The following MRC1 variants were observed in gnomAD, a reference collection of about 807,000 sequenced individuals.
The protein encoded by MRC1 is mannose receptor C-type 1, also known as macrophage mannose receptor 1.
MRC1 carries 62 observed loss-of-function variants against 102.9 expected under a neutral mutation model. The observed-to-expected ratio is 0.60, with a 90% CI of 0.49 to 0.74. MRC1 has a LOEUF of 0.74. MRC1 is among the 30% of genes least tolerant of loss of function. MRC1 has a pLI of 0.00. For synonymous variants in MRC1, 457 were observed against 298.4 expected (o/e 1.53, Z -5.48); for missense variants, 1,237 against 862.8 (o/e 1.43, Z -5.43).
intron 14 of MRC1, among the ~76,000 whole-genome samples, chr10:17,871,199 A>C (rs1286142438): frequency 6.6e-6 from 1 of 152,150 alleles, no homozygotes; most frequent in Non-Finnish European, 1.5e-5. Flanking sequence ...GGAATGAAGA[A>C]GTGAGAGATT....
At chr10:17,880,418 G>A (rs1262065318) in intron 19 of MRC1, 107 bp from the exon 20 acceptor site, 4 of 741,156 alleles carry the variant, frequency 5.4e-6, no homozygotes, top group Admixed American at 3.6e-5. Flanking sequence ...TTTGATTATA[G>A]TCTAAATAAG....
intron 4 of MRC1, among the ~76,000 whole-genome samples, chr10:17,835,671 A>G (rs1238330886): frequency 6.6e-6 from 1 of 152,234 alleles, no homozygotes; most frequent in African/African-American, 2.4e-5. Context: ...TGACATGTTA[A>G]CATGCAACAA....
rs2130561757 is a variant in MRC1, at chr10:17,809,409, T to C, written c.-57T>C. On this transcript the variant is annotated 5_prime_UTR_variant, in exon 1 of 30. Transcript: ENST00000569591. ...AGGCAGTTGGGGGGCCTCGTTGTTT[T>C]GCGTCTTAGTTCCGCCCTCCTGTCC... is the stretch of plus-strand genomic sequence containing the variant. 1.1e-6 allele frequency: 1 copy of C among 870,018 alleles called. No individual in the cohort carries two copies. The highest frequency in any genetic ancestry group is 2.4e-5 in the East Asian group (1 of 41,682). 53.9% of individuals were successfully genotyped at this position (870,018 alleles called of 1,614,324 possible).
At chr10:17,836,824 GAAACTCGTCTCAAAAATAAATAAAT>G (rs1215479910) in intron 4 of MRC1, among the ~76,000 whole-genome samples, 1 of 151,624 alleles carries the variant, frequency 6.6e-6, no homozygotes, top group East Asian at 1.9e-4. Flanking sequence ...CAACAAGAGT[GAAACTCGTCTCAAAAATAAATAAAT>G]AAATAAAAAT....
chr10:17,871,042 G>A (rs957278883), intron 14 of MRC1, 107 bp downstream of exon 14: 57 of 763,494 alleles, frequency 7.5e-5, no homozygotes, highest in Admixed American at 1.4e-4. Flanking sequence ...CATTATGATA[G>A]CCACTATCCT....
At chr10:17,852,893 C>T (rs1364584463) in intron 7 of MRC1, 74 bp from the exon 8 acceptor site, 1 of 779,736 alleles carries the variant, frequency 1.3e-6, no homozygotes, top group East Asian at 2.4e-5. Flanking sequence ...AGCAGAGTGC[C>T]TTCCGTTCCT....
chr10:17,809,556 G>T (rs1389316993), intron 1 of MRC1, 30 bp downstream of exon 1: 13 of 872,334 alleles, frequency 1.5e-5, no homozygotes, highest in Non-Finnish European at 2.6e-5. Context: ...GGGGATCTCT[G>T]ACCTGGGGGG....
intron 18 of MRC1, among the ~76,000 whole-genome samples, chr10:17,879,050 A>G (rs1833476263): frequency 6.6e-6 from 1 of 152,162 alleles, no homozygotes; most frequent in Non-Finnish European, 1.5e-5. Context: ...GTCTAATGAG[A>G]AATTCTATAC....
intron 1 of MRC1, among the ~76,000 whole-genome samples, chr10:17,816,521 G>A (rs1838315717): frequency 6.6e-6 from 1 of 152,120 alleles, no homozygotes; most frequent in Non-Finnish European, 1.5e-5. Flanking sequence ...GGCCTCTGAT[G>A]AAGGCTTCCT....
intron 4 of MRC1, among the ~76,000 whole-genome samples, chr10:17,838,702 A>G (rs1838706674): frequency 1.3e-5 from 2 of 152,306 alleles, no homozygotes; most frequent in Admixed American, 1.3e-4. Flanking sequence ...GGCTGGGCGC[A>G]GTGGCTCACG....
At chr10:17,822,762 T>C (rs1323125341) in intron 1 of MRC1, among the ~76,000 whole-genome samples, 1 of 152,224 alleles carries the variant, frequency 6.6e-6, no homozygotes, top group Non-Finnish European at 1.5e-5. Flanking sequence ...GTTCCACTCC[T>C]GGACAATCCT....
chr10:17,845,985 C>G (rs1229332404), intron 6 of MRC1, among the ~76,000 whole-genome samples: 2 of 152,218 alleles, frequency 1.3e-5, no homozygotes, highest in African/African-American at 4.8e-5. Context: ...TCTCAGCTCA[C>G]TGCAAACTTC....
chr10:17,898,134 T>C lies in MRC1; in HGVS notation c.3351T>C (p.His1117=), dbSNP rs900452575. 29 of 780,764 alleles carry C rather than the reference T, an allele frequency of 3.7e-5. No individual in the cohort carries two copies. The highest frequency in any genetic ancestry group is 6.2e-5 in the Non-Finnish European group (26 of 417,976). 48.4% of individuals were successfully genotyped at this position (780,764 alleles called of 1,614,324 possible). ...TCATGAGACAAAAATTTCAATGGCA[T>C]GAAGCGGAGACATACTGCAAGCTTC... The part of the protein sequence containing the change: ...YSLMRQKFQW[H]EAETYCKLHN... Residue 1117 remains histidine (H), a synonymous_variant, in exon 24 of 30, where the codon CAT becomes CAC. Transcript: ENST00000569591.
At chr10:17,903,869 T>C (rs1833862251) in intron 26 of MRC1, among the ~76,000 whole-genome samples, 1 of 151,976 alleles carries the variant, frequency 6.6e-6, no homozygotes, top group East Asian at 1.9e-4. Context: ...AACAGGAGAA[T>C]CACTTGAACC....
intron 10 of MRC1, chr10:17,863,148 A>G (rs1262231822): frequency 4.9e-6 from 1 of 203,552 alleles, no homozygotes; most frequent in Non-Finnish European, 1.0e-5. Flanking sequence ...TGCTTAACCA[A>G]GAATTGAGTA....
Position 17,897,946 on chromosome 10 carries a change from T to C in MRC1, c.3251-88T>C, listed in dbSNP as rs1833777904. ...TGGAGTTATGCTACTTTGCTTATTT[T>C]TATGATAGATGAGATACACTTATCA... On this transcript the variant is annotated intron_variant, in intron 23 of 29. Coordinates refer to ENST00000569591, the MANE Select transcript of MRC1 (RefSeq NM_002438.4). 6.5e-6 allele frequency: 5 copies of C among 774,754 alleles called. No individual in the cohort carries two copies. In the South Asian group the frequency reaches 6.8e-5, roughly 11 times the overall value. 48.0% of individuals were successfully genotyped at this position (774,754 alleles called of 1,614,324 possible).
rs879971688 is a variant in MRC1 at position 17,885,451 on chromosome 10, A to T, written c.3147+16A>T. ...TTATGAAGATGTAAATATCAGATTCAGGTCACCTCTCTACACACCATCAGC... is the reference window on the plus strand; with the variant it reads ...TTATGAAGATGTAAATATCAGATTCTGGTCACCTCTCTACACACCATCAGC... On this transcript the variant is annotated intron_variant, in intron 22 of 29. Coordinates refer to ENST00000569591, the MANE Select transcript of MRC1 (RefSeq NM_002438.4). 1.3e-6 allele frequency: 1 copy of T among 780,600 alleles called. No homozygotes were observed. Among genetic ancestry groups the T allele is most frequent in the South Asian group, 1.3e-5 (1 of 74,594 alleles). The allele number at this position is 780,600 out of a possible 1,614,324, so 48.4% of individuals were successfully genotyped here.
At chr10:17,853,572 A>ATGTG (rs782100594) in intron 8 of MRC1, among the ~76,000 whole-genome samples, 1,873 of 146,782 alleles carry the variant, frequency 0.013, 38 homozygotes, top group South Asian at 0.068. Flanking sequence ...ATATATATGT[A>ATGTG]TGTGTGTGTG....
chr10:17,817,165 G>A (rs1029379451), intron 1 of MRC1, among the ~76,000 whole-genome samples: 20 of 150,086 alleles, frequency 1.3e-4, no homozygotes, highest in African/African-American at 3.9e-4. Context: ...CACGAGAATC[G>A]CTTGAACCTG....
Sources: allele counts gnomAD v4.1 joint callset (sites outside exome capture counted in the v4.1 genomes callset), GRCh38; gene constraint gnomAD v4.1.1; transcripts MANE v1.5; gene names NCBI Gene and HGNC (gene_info 2026-07-23, HGNC 2026-07-21).